The following ABCA5 variants were observed in gnomAD, a reference collection of about 807,000 sequenced individuals.
ABCA5 encodes the protein ATP binding cassette subfamily A member 5.
ABCA5 carries 163 observed loss-of-function variants against 206.0 expected under a neutral mutation model. The observed-to-expected ratio is 0.79, with a 90% CI of 0.70 to 0.90. The LOEUF (loss-of-function observed/expected upper bound fraction) is 0.90, where lower values mean the gene tolerates loss of function less well. ABCA5 is among the 40% of genes least tolerant of loss of function. ABCA5 has a pLI of 0.00. For synonymous variants in ABCA5, 609 were observed against 613.8 expected (o/e 0.99, Z 0.11); for missense variants, 1,859 against 1,912.9 (o/e 0.97, Z 0.53).
At chr17:69,321,905 GATAA>G (rs1213382467) in intron 1 of ABCA5, among the ~76,000 whole-genome samples, 12 of 151,866 alleles carry the variant, frequency 7.9e-5, no homozygotes, top group African/African-American at 2.4e-4. Flanking sequence ...AACTTTCCTA[GATAA>G]ATAATTTACT....
rs563726191 is a variant in ABCA5 at position 69,310,118 on chromosome 17, G to A, written c.308-695C>T. 1.7e-4 allele frequency among the ~76,000 whole-genome samples: 26 copies of A among 152,010 alleles called. No individual in the cohort carries two copies. The South Asian group carries it at 3.1e-3, about 18-fold the overall frequency. On this transcript the variant is annotated intron_variant, in intron 3 of 38. Transcript: ENST00000392676. ...GTAATGCAGTTCATTTATCTATCTC[G>A]AAGTTAAACTAAAAAATAACTTCGT...
intron 23 of ABCA5, among the ~76,000 whole-genome samples, chr17:69,267,064 G>A (rs761073519): frequency 2.6e-5 from 4 of 151,744 alleles, no homozygotes; most frequent in East Asian, 3.9e-4. Context: ...TAGTAGAGAC[G>A]GGGTTTCTCC....
At chr17:69,287,573 C>T (rs756319310) in intron 15 of ABCA5, 40 bp downstream of exon 15, 2 of 1,585,732 alleles carry the variant, frequency 1.3e-6, no homozygotes, top group Non-Finnish European at 1.7e-6. Context: ...TTCCTTTTGG[C>T]CCATGATCTC....
In ABCA5 at chr17:69,269,624, C is replaced by T. The variant is rs529524463; in HGVS notation, c.3030+989G>A. Among the ~76,000 whole-genome samples, 94 of 152,140 alleles carry T rather than the reference C, an allele frequency of 6.2e-4. 1 individual carries two copies. The highest frequency in any genetic ancestry group is 3.9e-3 in the Admixed American group (60 of 15,276). On this transcript the variant is annotated intron_variant, in intron 22 of 38. Transcript: ENST00000392676. ...TATTCATAAGCATTACTCATAATAG[C>T]CAAAAGGTGGAAATAACCCAAATGC... is the stretch of plus-strand genomic sequence containing the variant.
intron 3 of ABCA5, among the ~76,000 whole-genome samples, chr17:69,311,737 T>C (rs1473971834): frequency 2.6e-5 from 4 of 151,996 alleles, no homozygotes; most frequent in African/African-American, 9.7e-5. Context: ...GGTGATCTGC[T>C]CACCTCGGCC....
At chr17:69,286,507 A>G (rs1486044787) in intron 15 of ABCA5, among the ~76,000 whole-genome samples, 196 bp from the exon 16 acceptor site, 1 of 152,210 alleles carries the variant, frequency 6.6e-6, no homozygotes, top group African/African-American at 2.4e-5. Flanking sequence ...AAGAAAATAC[A>G]TTCCTTATAT....
At position 69,304,732 on chromosome 17, in the gene ABCA5, CAAAG is replaced by C; in HGVS notation, c.863_866del (p.Ser288CysfsTer10). On this transcript the variant is annotated frameshift_variant, in exon 7 of 39. Coordinates refer to ENST00000392676, the MANE Select transcript of ABCA5 (RefSeq NM_172232.4). LOFTEE classifies it high-confidence loss of function. ...CAATGCTGCTACTTTGAGGAAATAACAAAGAAGCTGTCGCAATGACTGCCATAAG... is the reference window on the plus strand; with the variant it reads ...CAATGCTGCTACTTTGAGGAAATAACAAGCTGTCGCAATGACTGCCATAAG... 1.2e-6 allele frequency: 2 copies of C among 1,609,386 alleles called. No homozygotes were observed. The highest frequency in any genetic ancestry group is 1.7e-6 in the Non-Finnish European group (2 of 1,177,556).
At position 69,277,882 on chromosome 17, in the gene ABCA5, T is replaced by TA. The variant is rs2075351396; in HGVS notation, c.2393-41dup. 2.1e-6 allele frequency: 3 copies of TA among 1,403,010 alleles called. No homozygotes were observed. The Admixed American group carries it at 7.8e-5, about 37-fold the overall frequency. 86.9% of individuals were successfully genotyped at this position (1,403,010 alleles called of 1,614,324 possible). ...AAAACAAACATTTCAGTATGTTCAT[T>TA]AAAAAAGATACAAACTTTCTGAAGC... On this transcript the variant is annotated intron_variant, in intron 18 of 38. Coordinates refer to ENST00000392676, the MANE Select transcript of ABCA5 (RefSeq NM_172232.4).
intron 26 of ABCA5, 52 bp downstream of exon 26, chr17:69,261,073 G>A: frequency 1.4e-6 from 2 of 1,433,096 alleles, no homozygotes; most frequent in Non-Finnish European, 1.9e-6. Flanking sequence ...CCCCAAATTA[G>A]ACCATATTTA....
chr17:69,250,354 G>GAT (rs147076066), intron 36 of ABCA5, 118 bp downstream of exon 36: 26,856 of 708,262 alleles, frequency 0.038, 290 homozygotes, highest in South Asian at 0.07. Flanking sequence ...CACACACAGA[G>GAT]ATATATATAT....
chr17:69,277,274 C>T (rs143727234), intron 19 of ABCA5, among the ~76,000 whole-genome samples: 12 of 151,944 alleles, frequency 7.9e-5, no homozygotes, highest in African/African-American at 1.9e-4. Flanking sequence ...AAAATAGAAA[C>T]GCAAAACAAA....
In ABCA5 at chr17:69,249,933, A is replaced by G; in HGVS notation, c.4737T>C (p.Leu1579=). 1 of 1,550,074 alleles carries G rather than the reference A, an allele frequency of 6.5e-7. No homozygotes were observed. The highest frequency in any genetic ancestry group is 8.7e-7 in the Non-Finnish European group (1 of 1,151,988). Reference sequence around the variant, plus strand: ...CTTCCAGCTTAAAAAAAGATTGTGAAAGGGACTGAACATCTTCCTTAGGAA... The same window carrying G: ...CTTCCAGCTTAAAAAAAGATTGTGAGAGGGACTGAACATCTTCCTTAGGAA... The part of the protein sequence containing the change: ...YKIPKEDVQS[L]SQSFFKLEEA... Residue 1579 remains leucine (L), a synonymous_variant, in exon 37 of 39, where the codon CTT becomes CTC. Coordinates refer to ENST00000392676, the MANE Select transcript of ABCA5 (RefSeq NM_172232.4).
rs1295036114 is a variant in ABCA5 at position 69,319,026 on chromosome 17, T to A, written c.-15-4596A>T. On this transcript the variant is annotated intron_variant, in intron 1 of 38. Coordinates refer to ENST00000392676, the MANE Select transcript of ABCA5 (RefSeq NM_172232.4). ...CTCAAAAGGGCCTGTTTTACTATGA[T>A]GTAAAAATTAAGTCATGTATATTTT... is the stretch of plus-strand genomic sequence containing the variant. The A allele has an allele frequency of 5.6e-5, 24 of 426,088 alleles. No individual in the cohort carries two copies. In the East Asian group the frequency reaches 1.1e-3, roughly 19 times the overall value. The allele number at this position is 426,088 out of a possible 1,614,324, so 26.4% of individuals were successfully genotyped here. A position where few individuals can be genotyped will look rare whatever the true frequency, so the allele number is the denominator to read the frequency against.
chr17:69,250,578 CT>C lies in ABCA5; in HGVS notation c.4578del (p.Gly1527AlafsTer8). On this transcript the variant is annotated frameshift_variant, in exon 36 of 39. Coordinates refer to ENST00000392676, the MANE Select transcript of ABCA5 (RefSeq NM_172232.4). LOFTEE classifies it high-confidence loss of function. ...TVQHLKSKFG[K>X]GYFLEIKLKD... ...TTCAATTTAATTTCCAAAAAGTAGC[CT>C]TTTCCAAATTTACTCTTTAGATGTT... 5.0e-6 allele frequency: 8 copies of C among 1,599,322 alleles called. No homozygotes were observed. The highest frequency in any genetic ancestry group is 6.8e-6 in the Non-Finnish European group (8 of 1,174,840).
At chr17:69,271,406 G>GT in intron 20 of ABCA5, 117 bp from the exon 21 acceptor site, 1 of 1,128,426 alleles carries the variant, frequency 8.9e-7, no homozygotes, top group Non-Finnish European at 1.2e-6. Context: ...GAATACGCAA[G>GT]TAAGTACATT....
At chr17:69,258,183 A>G (rs35756771) in intron 28 of ABCA5, among the ~76,000 whole-genome samples, 1,731 of 150,070 alleles carry the variant, frequency 0.012, 115 homozygotes, top group Admixed American at 0.1. Flanking sequence ...TATCCAAAGG[A>G]AAAAAAAAAT....
chr17:69,278,722 A>C (rs1415432949), intron 18 of ABCA5, among the ~76,000 whole-genome samples: 6 of 152,208 alleles, frequency 3.9e-5, no homozygotes, highest in African/African-American at 1.4e-4. Flanking sequence ...TATTTGGAAT[A>C]AAAATTTATT....
chr17:69,312,555 C>A (rs567105590), intron 3 of ABCA5, among the ~76,000 whole-genome samples: 1 of 152,260 alleles, frequency 6.6e-6, no homozygotes, highest in South Asian at 2.1e-4. Flanking sequence ...GTCTTTATCA[C>A]ATATTTCTAG....
intron 1 of ABCA5, among the ~76,000 whole-genome samples, chr17:69,323,911 T>C (rs1190768350): frequency 2.0e-5 from 3 of 152,318 alleles, no homozygotes; most frequent in East Asian, 1.9e-4. Context: ...TCTTGTGACA[T>C]GCAAAAATTA....
Sources: allele counts gnomAD v4.1 joint callset (sites outside exome capture counted in the v4.1 genomes callset), GRCh38; gene constraint gnomAD v4.1.1; transcripts MANE v1.5; gene names NCBI Gene and HGNC (gene_info 2026-07-23, HGNC 2026-07-21).